ZNF692: variants seen among roughly 807,000 people sequenced by gnomAD.
ZNF692 encodes zinc finger protein 692, also known as AICAR responsive element binding protein.
Under a neutral mutation model 49.0 loss-of-function variants are expected in ZNF692, and 41 were observed. The ratio of observed to expected loss-of-function variants is 0.84; its 90% CI spans 0.65 to 1.08. The LOEUF (loss-of-function observed/expected upper bound fraction) is 1.08. Among genes scored for constraint, ZNF692 ranks in the 50% least tolerant of loss-of-function variants. ZNF692 has a pLI of 0.00. For synonymous variants in ZNF692, 288 were observed against 251.5 expected, an observed-to-expected ratio of 1.15 and a Z score of -1.37; for missense variants, 662 against 662.2, an observed-to-expected ratio of 1.00 and a Z score of 0.00.
chr1:248,858,386 C>T lies in ZNF692; in HGVS notation c.-12-65G>A. ...TCGGGGGTCGGGGACCCGGCTCCAC[C>T]TGCCGTTAGGGCCTCAGTTTCCTCA... On this transcript the variant is annotated intron_variant, in intron 1 of 11. Coordinates refer to ENST00000306601, the MANE Select transcript of ZNF692 (RefSeq NM_017865.4). The surrounding 1 kb of genome is among the most constrained non-coding windows in gnomAD (Gnocchi z 4.3). The T allele has an allele frequency of 6.5e-7, 1 of 1,536,722 alleles. No individual in the cohort carries two copies. The highest frequency in any genetic ancestry group is 8.8e-7 in the Non-Finnish European group (1 of 1,136,134).
intron 9 of ZNF692, 96 bp from the exon 10 acceptor site, chr1:248,854,147 C>T (rs1057057652): frequency 7.3e-5 from 64 of 879,142 alleles, no homozygotes; most frequent in Non-Finnish European, 1.1e-4. Flanking sequence ...GCATGCTCCT[C>T]TGTCCCCTTC....
At position 248,850,712 on chromosome 1, in the gene ZNF692, CTG is replaced by C; in HGVS notation, c.1221_1222del (p.His407GlnfsTer13). On this transcript the variant is annotated frameshift_variant, in exon 11 of 12. Coordinates refer to ENST00000306601, the MANE Select transcript of ZNF692 (RefSeq NM_017865.4). LOFTEE classifies it low-confidence loss of function (END_TRUNC). ...GGGTTTTTCTCCAGTGTGGATACGT[CTG>C]TGGATGACAAGGTTGCTGCTAGTGC... 2 of 1,614,186 alleles carry C rather than the reference CTG, an allele frequency of 1.2e-6. No individual in the cohort carries two copies. Among genetic ancestry groups the C allele is most frequent in the Non-Finnish European group, 1.7e-6 (2 of 1,180,020 alleles).
chr1:248,857,701 C>T (rs1660401221), intron 3 of ZNF692, 127 bp downstream of exon 3: 1 of 1,497,702 alleles, frequency 6.7e-7, no homozygotes. Context: ...TCAAACTACC[C>T]TGTGCTCCCC....
rs749077817 is a variant in ZNF692 at position 248,850,460 on chromosome 1, C to T, written c.1310G>A (p.Arg437His). ...GGCAGCCACCGTCTCTGCATGCTTG[C>T]GCTGGTGCCAGTTCAGGGAAGCCTT... is the stretch of plus-strand genomic sequence containing the variant. Reference protein sequence around the residue: ...RQKASLNWHQRKHAETVAALR... With the variant: ...RQKASLNWHQHKHAETVAALR... Residue 437 changes from arginine (R) to histidine (H), a missense_variant, in exon 12 of 12, where the codon CGC (arginine) becomes CAC (histidine). By Grantham distance (29) the Arg-to-His change is conservative (BLOSUM62 0). Transcript: ENST00000306601. The T allele has an allele frequency of 2.8e-5, 45 of 1,613,290 alleles. No homozygotes were observed. Among genetic ancestry groups the T allele is most frequent in the East Asian group, 4.5e-5 (2 of 44,898 alleles).
In ZNF692 at chr1:248,855,855, T is replaced by TG; in HGVS notation, c.750dup (p.Ser251GlnfsTer40). The TG allele has an allele frequency of 6.2e-7, 1 of 1,614,160 alleles. No homozygotes were observed. The highest frequency in any genetic ancestry group is 8.5e-7 in the Non-Finnish European group (1 of 1,180,036). Reference sequence around the variant, plus strand: ...GACAAGGCCGGCACAGCAAGAGGACTGGAGAGTGCTGCAGGGGCTGGTGGT... The same window carrying TG: ...GACAAGGCCGGCACAGCAAGAGGACTGGGAGAGTGCTGCAGGGGCTGGTGGT... On this transcript the variant is annotated frameshift_variant, in exon 7 of 12. Transcript: ENST00000306601. LOFTEE classifies it high-confidence loss of function.
intron 6 of ZNF692, 157 bp downstream of exon 6, chr1:248,856,131 C>G: frequency 7.6e-7 from 1 of 1,310,844 alleles, no homozygotes; most frequent in Non-Finnish European, 1.0e-6. Context: ...CCCTTTTCAC[C>G]CCCTCAGTTC....
At position 248,855,343 on chromosome 1, in the gene ZNF692, C is replaced by T. The variant is rs750705551; in HGVS notation, c.1038+37G>A. On this transcript the variant is annotated intron_variant, in intron 9 of 11. Coordinates refer to ENST00000306601, the MANE Select transcript of ZNF692 (RefSeq NM_017865.4). ...TTTTTCTTTTAGCCCTTTCCCCCAC[C>T]CCAGCAGCCACACAGGCCCCAACCT... 3.7e-6 allele frequency: 6 copies of T among 1,608,484 alleles called. 1 individual carries two copies. In the South Asian group the frequency reaches 6.6e-5, roughly 18 times the overall value.
chr1:248,851,047 ACTC>A (rs1157292011), intron 10 of ZNF692: 4 of 612,344 alleles, frequency 6.5e-6, no homozygotes, highest in Non-Finnish European at 1.2e-5. Context: ...AAACCAATGA[ACTC>A]CTGATGGAAG....
intron 10 of ZNF692, 36 bp from the exon 11 acceptor site, chr1:248,850,817 C>T (rs1225412689): frequency 3.1e-6 from 5 of 1,597,062 alleles, no homozygotes; most frequent in Non-Finnish European, 4.3e-6. Flanking sequence ...GCATCTGCCC[C>T]CACCCTGTGG....
chr1:248,853,792 C>T (rs1412273361), intron 10 of ZNF692, 145 bp downstream of exon 10: 2 of 625,984 alleles, frequency 3.2e-6, no homozygotes, highest in Middle Eastern at 4.4e-4. Flanking sequence ...AGTCATCCCT[C>T]GGAGGGAGGT....
Position 248,858,875 on chromosome 1 carries a change from T to G in ZNF692, c.-13+43A>C. On this transcript the variant is annotated intron_variant, in intron 1 of 11. Transcript: ENST00000306601. This position sits in a 1 kb window ranked among gnomAD's most constrained non-coding sequence, Gnocchi z 4.3. ...CTAATCCCAATGGCAGTTCCCAGGC[T>G]GCCCAGAGCCCCCGTCGCGACCCAC... is the stretch of plus-strand genomic sequence containing the variant. 1 of 361,124 alleles carries G rather than the reference T, an allele frequency of 2.8e-6. No individual in the cohort carries two copies. Among genetic ancestry groups the G allele is most frequent in the Non-Finnish European group, 5.3e-6 (1 of 190,324 alleles). 22.4% of individuals were successfully genotyped at this position (361,124 alleles called of 1,614,324 possible). A position where few individuals can be genotyped will look rare whatever the true frequency, so the allele number is the denominator to read the frequency against.
intron 9 of ZNF692, 44 bp downstream of exon 9, chr1:248,855,336 C>T: frequency 3.1e-6 from 5 of 1,596,652 alleles, no homozygotes; most frequent in Non-Finnish European, 4.3e-6. Flanking sequence ...TTAGCCCTTT[C>T]CCCCACCCCA....
At position 248,856,389 on chromosome 1, in the gene ZNF692, A is replaced by C; in HGVS notation, c.558T>G (p.Pro186=). 1 of 1,612,850 alleles carries C rather than the reference A, an allele frequency of 6.2e-7. No homozygotes were observed. Among genetic ancestry groups the C allele is most frequent in the Non-Finnish European group, 8.5e-7 (1 of 1,179,322 alleles). Residue 186 remains proline (P), a synonymous_variant, in exon 6 of 12, where the codon CCT becomes CCG. Coordinates refer to ENST00000306601, the MANE Select transcript of ZNF692 (RefSeq NM_017865.4). ...CTTCCTCACCCTCTTCCTCTCCTGG[A>C]GGTGGGAAGGTCTCTGGTGGGGGTC... ...RVGPPPETFP[P]PGEEEGEEEE... is the part of the protein sequence containing the mutation.
chr1:248,857,482 G>A lies in ZNF692; in HGVS notation c.227C>T (p.Pro76Leu). ...CVLCAGPEPL[P>L]PKGLQYLVLL... is the part of the protein sequence containing the mutation. ...CACCAGATACTGCAGACCTTTTGGA[G>A]GCAAAGGCTCAGGACCTGGAGGGGT... Residue 76 changes from proline (P) to leucine (L), a missense_variant, in exon 4 of 12, where the codon CCT becomes CTT. Coordinates refer to ENST00000306601, the MANE Select transcript of ZNF692 (RefSeq NM_017865.4). 6.2e-7 allele frequency: 1 copy of A among 1,613,516 alleles called. No individual in the cohort carries two copies. The highest frequency in any genetic ancestry group is 8.5e-7 in the Non-Finnish European group (1 of 1,179,768).
chr1:248,856,113 G>A (rs1443644815), intron 6 of ZNF692, 167 bp from the exon 7 acceptor site: 1 of 1,229,738 alleles, frequency 8.1e-7, no homozygotes, highest in Non-Finnish European at 1.1e-6. Context: ...CCCTGCACCT[G>A]ACTTCACCCC....
chr1:248,850,578 G>C, intron 11 of ZNF692, 62 bp from the exon 12 acceptor site: 1 of 1,591,090 alleles, frequency 6.3e-7, no homozygotes, highest in Non-Finnish European at 8.6e-7. Context: ...TTCCCTAGGG[G>C]GTTCCTCCTG....
At chr1:248,854,391 C>T (rs1476351358) in intron 9 of ZNF692, 1 of 228,152 alleles carries the variant, frequency 4.4e-6, no homozygotes, top group Admixed American at 5.1e-5. Flanking sequence ...CCTGGTTCAC[C>T]TAATCATGAA....
rs1156545998 is a variant in ZNF692, at chr1:248,854,039, A to G, written c.1051T>C (p.Tyr351His). 1 of 1,614,054 alleles carries G rather than the reference A, an allele frequency of 6.2e-7. No individual in the cohort carries two copies. Among genetic ancestry groups the G allele is most frequent in the Non-Finnish European group, 8.5e-7 (1 of 1,179,936 alleles). The part of the protein sequence containing the change: ...NRQYLNHHKK[Y>H]QHIHQKSFSC... Reference sequence around the variant, plus strand: ...AAAGACTTCTGGTGGATGTGCTGGTACTTTTTGTGGTGCTAGAGAAGGAAG... The same window carrying G: ...AAAGACTTCTGGTGGATGTGCTGGTGCTTTTTGTGGTGCTAGAGAAGGAAG... Residue 351 changes from tyrosine to histidine, a missense_variant, in exon 10 of 12, where the codon TAC (tyrosine) becomes CAC (histidine). By Grantham distance (83) the Tyr-to-His change is moderately conservative. Transcript: ENST00000306601.
At chr1:248,857,738 C>T (rs1660404655) in intron 3 of ZNF692, 90 bp downstream of exon 3, 1 of 1,552,020 alleles carries the variant, frequency 6.4e-7, no homozygotes, top group African/African-American at 1.4e-5. Context: ...CCCAAACTTA[C>T]TCAGGGCTCC....
Sources: allele counts gnomAD v4.1 joint callset, GRCh38; gene constraint gnomAD v4.1.1; non-coding constraint Gnocchi (gnomAD v3.1); transcripts MANE v1.5; gene names NCBI Gene and HGNC (gene_info 2026-07-23, HGNC 2026-07-21).